The following INVS variants were observed in gnomAD, a reference collection of about 807,000 sequenced individuals.
The protein encoded by INVS is inversin.
A neutral mutation model predicts 108.8 loss-of-function variants in INVS; 86 were observed. The ratio of observed to expected loss-of-function variants is 0.79; its 90% CI spans 0.66 to 0.95. INVS has a LOEUF of 0.95. Ranked by LOEUF, INVS falls within the 40% of genes least tolerant of loss-of-function variation. The pLI, the probability that INVS is intolerant of heterozygous loss-of-function variation, is 0.00. For missense variants in INVS, 1,169 were observed against 1,297.4 expected (o/e 0.90, Z 1.52); for synonymous variants, 455 against 473.5 (o/e 0.96, Z 0.51).
chr9:100,256,260 AT>A (rs1832416615), intron 10 of INVS, among the ~76,000 whole-genome samples: 1 of 151,956 alleles, frequency 6.6e-6, no homozygotes, highest in Admixed American at 6.6e-5. Context: ...TGGTGGTGAT[AT>A]TCCCTTTATC....
intron 8 of INVS, among the ~76,000 whole-genome samples, chr9:100,246,991 T>C (rs1198639528): frequency 6.6e-6 from 1 of 152,176 alleles, no homozygotes; most frequent in Non-Finnish European, 1.5e-5. Flanking sequence ...AAGATTAGCA[T>C]GTTTCTACCA....
chr9:100,194,531 CT>C (rs1488162894), intron 3 of INVS, among the ~76,000 whole-genome samples: 3 of 151,508 alleles, frequency 2.0e-5, no homozygotes, highest in Admixed American at 6.6e-5. Flanking sequence ...TTATGCCCTT[CT>C]TTCCTCCCTT....
At chr9:100,202,557 C>T (rs949353519) in intron 3 of INVS, among the ~76,000 whole-genome samples, 3 of 151,914 alleles carry the variant, frequency 2.0e-5, no homozygotes, top group African/African-American at 7.3e-5. Flanking sequence ...TTTTCTTTTC[C>T]ACTTCCTTTT....
intron 3 of INVS, among the ~76,000 whole-genome samples, chr9:100,131,510 C>T (rs1480694811): frequency 6.6e-6 from 1 of 152,028 alleles, no homozygotes; most frequent in Non-Finnish European, 1.5e-5. Flanking sequence ...CATTTAGAAC[C>T]ATCAGTTTAA....
rs1224335703 is a variant in INVS, at chr9:100,246,750, C to T, written c.1041C>T (p.Asp347=). 2 of 1,613,966 alleles carry T rather than the reference C, an allele frequency of 1.2e-6. No individual in the cohort carries two copies. The highest frequency in any genetic ancestry group is 2.2e-5 in the South Asian group (2 of 91,076). Reference sequence around the variant, plus strand: ...GAACTATGCTGAGCTTAAAATCGGACATAGATATTAACATGGCTGACAAAT... The same window carrying T: ...GAACTATGCTGAGCTTAAAATCGGATATAGATATTAACATGGCTGACAAAT... The part of the protein sequence containing the change: ...VLRTMLSLKS[D]IDINMADKYG... Residue 347 remains aspartate, a synonymous_variant, in exon 8 of 17, where the codon GAC becomes GAT. Transcript: ENST00000262457.
At chr9:100,268,081 A>AG (rs1234672755) in intron 11 of INVS, among the ~76,000 whole-genome samples, 1 of 152,182 alleles carries the variant, frequency 6.6e-6, no homozygotes, top group Non-Finnish European at 1.5e-5. Flanking sequence ...GAAACAATTC[A>AG]GGGTGAGTCT....
At chr9:100,117,785 C>T (rs1827592472) in intron 2 of INVS, 1 of 487,044 alleles carries the variant, frequency 2.1e-6, no homozygotes, top group African/African-American at 2.0e-5. Context: ...TGTTTGAAAC[C>T]CTAACCCTCA....
At chr9:100,104,458 T>C in intron 1 of INVS, 40 bp from the exon 2 acceptor site, 1 of 1,090,112 alleles carries the variant, frequency 9.2e-7, no homozygotes, top group Non-Finnish European at 1.4e-6. Flanking sequence ...GTTTCAGAAA[T>C]GTTTGCTGCA....
chr9:100,149,638 C>T (rs946600338), intron 3 of INVS, among the ~76,000 whole-genome samples: 10 of 152,062 alleles, frequency 6.6e-5, no homozygotes, highest in Non-Finnish European at 1.3e-4. Context: ...CCAATCAAAA[C>T]GAGTTGAAAT....
At chr9:100,108,722 A>G (rs550945306) in intron 2 of INVS, among the ~76,000 whole-genome samples, 1 of 152,234 alleles carries the variant, frequency 6.6e-6, no homozygotes. Flanking sequence ...ATGGAGAAGT[A>G]TGTCAGTGAT....
chr9:100,103,036 A>G (rs1399575919), intron 1 of INVS, among the ~76,000 whole-genome samples: 1 of 152,144 alleles, frequency 6.6e-6, no homozygotes, highest in Non-Finnish European at 1.5e-5. Flanking sequence ...TATTTTTAGT[A>G]GAGACACAGT....
chr9:100,214,028 A>G (rs1830914195), intron 3 of INVS, among the ~76,000 whole-genome samples: 1 of 152,138 alleles, frequency 6.6e-6, no homozygotes, highest in African/African-American at 2.4e-5. Flanking sequence ...CCACTACATC[A>G]GCTACTTTTA....
At chr9:100,298,362 T>C (rs966193406) in intron 16 of INVS, 12 of 976,846 alleles carry the variant, frequency 1.2e-5, no homozygotes, top group Admixed American at 6.2e-5. Context: ...TATGATCCCC[T>C]ATTTCCTTCT....
Position 100,143,827 on chromosome 9 carries a change from T to C in INVS, c.273+17278T>C, listed in dbSNP as rs569971413. On this transcript the variant is annotated intron_variant, in intron 3 of 16. Transcript: ENST00000262457. Reference sequence around the variant, plus strand: ...GGGAAACAGGCCCTTGAAAAGAAGGTAATGTGGAGTGGGTAGCTTCCATAT... The same window carrying C: ...GGGAAACAGGCCCTTGAAAAGAAGGCAATGTGGAGTGGGTAGCTTCCATAT... Among the ~76,000 whole-genome samples the C allele has an allele frequency of 1.1e-4, 16 of 152,136 alleles. No individual in the cohort carries two copies. In the South Asian group the frequency reaches 3.3e-3, roughly 32 times the overall value.
chr9:100,259,042 C>G (rs570680980), intron 10 of INVS, among the ~76,000 whole-genome samples: 4 of 152,344 alleles, frequency 2.6e-5, no homozygotes, highest in African/African-American at 9.6e-5. Flanking sequence ...AGGTAGGCCT[C>G]CTTGAGCTGC....
In INVS at chr9:100,236,008, A is replaced by G. The variant is rs530288249; in HGVS notation, c.616-4052A>G. On this transcript the variant is annotated intron_variant, in intron 5 of 16. Coordinates refer to ENST00000262457, the MANE Select transcript of INVS (RefSeq NM_014425.5). Reference sequence around the variant, plus strand: ...CCTCATCACTTTCAGGTACACCAGCATAGGTTTGGGAAATAGTCCCATATT... The same window carrying G: ...CCTCATCACTTTCAGGTACACCAGCGTAGGTTTGGGAAATAGTCCCATATT... Among the ~76,000 whole-genome samples, 22 of 149,992 alleles carry G rather than the reference A, an allele frequency of 1.5e-4. No homozygotes were observed. In the South Asian group the frequency reaches 4.4e-3, roughly 30 times the overall value.
At chr9:100,153,263 TA>T (rs11288499) in intron 3 of INVS, among the ~76,000 whole-genome samples, 69,681 of 142,570 alleles carry the variant, frequency 0.49, 17,505 homozygotes, top group East Asian at 0.91. Context: ...CAAGCAAAGT[TA>T]AAAAAAAAAA....
chr9:100,223,561 T>G (rs546930521), intron 3 of INVS, among the ~76,000 whole-genome samples: 2 of 152,322 alleles, frequency 1.3e-5, no homozygotes, highest in African/African-American at 2.4e-5. Context: ...TCATGGAGCT[T>G]ACAGTTTGTG....
In INVS at chr9:100,300,818, A is replaced by G. The variant is rs536504092; in HGVS notation, c.*144A>G. The G allele has an allele frequency of 1.5e-6, 1 of 679,004 alleles. No homozygotes were observed. 42.1% of individuals were successfully genotyped at this position (679,004 alleles called of 1,614,324 possible). ...TTCACCTAAAAATGTGTTAACTGAA[A>G]GAAAATGTCAGAATGTTTCCTTTCT... On this transcript the variant is annotated 3_prime_UTR_variant, in exon 17 of 17. Transcript: ENST00000262457.
Sources: allele counts gnomAD v4.1 joint callset (sites outside exome capture counted in the v4.1 genomes callset), GRCh38; gene constraint gnomAD v4.1.1; transcripts MANE v1.5; gene names NCBI Gene and HGNC (gene_info 2026-07-23, HGNC 2026-07-21).